Variants in KLHL24 observed in about 807,000 individuals in gnomAD.
The protein encoded by KLHL24 is kelch like family member 24.
Under a neutral mutation model 53.4 loss-of-function variants are expected in KLHL24, and 29 were observed. The ratio of observed to expected loss-of-function variants is 0.54; its 90% CI spans 0.40 to 0.74. The LOEUF (loss-of-function observed/expected upper bound fraction) is 0.74. Ranked by LOEUF, KLHL24 falls within the 30% of genes least tolerant of loss-of-function variation. KLHL24 has a pLI of 0.00. For synonymous variants in KLHL24, 222 were observed against 253.7 expected, an observed-to-expected ratio of 0.88 and a Z score of 1.19; for missense variants, 504 against 744.0, an observed-to-expected ratio of 0.68 and a Z score of 3.75.
In KLHL24 at chr3:183,653,155, G is replaced by A. The variant is rs543976538; in HGVS notation, c.920+1879G>A. 1.1e-4 allele frequency among the ~76,000 whole-genome samples: 16 copies of A among 152,196 alleles called. No individual in the cohort carries two copies. The South Asian group carries it at 2.3e-3, about 22-fold the overall frequency. On this transcript the variant is annotated intron_variant, in intron 3 of 7. Transcript: ENST00000242810. ...TCTATTTATAAATTGCAGTATCACC[G>A]TTCTTTAAGAGACAAGTATAAAAAC...
Position 183,682,930 on chromosome 3 carries a change from T to TTTC in KLHL24, c.*3646_*3647insCTT, listed in dbSNP as rs35483288. 47,926 of 147,372 alleles carry TTTC rather than the reference T, an allele frequency of 0.33. 8,908 individuals carry two copies. The highest frequency in any genetic ancestry group is 0.48 in the African/African-American group (18,983 of 39,420). The allele number at this position is 147,372 out of a possible 1,614,324, so 9.1% of individuals were successfully genotyped here. On this transcript the variant is annotated 3_prime_UTR_variant, in exon 8 of 8. Coordinates refer to ENST00000242810, the MANE Select transcript of KLHL24 (RefSeq NM_017644.3). ...AGACGACATCTACTTCAAACTGTAT[T>TTTC]TTTTTCGTTTTTTTTTTTTTTTGGG...
intron 2 of KLHL24, among the ~76,000 whole-genome samples, chr3:183,649,643 T>G (rs1717848834): frequency 6.6e-6 from 1 of 151,962 alleles, no homozygotes; most frequent in Non-Finnish European, 1.5e-5. Flanking sequence ...TCACCAGGCA[T>G]GGTGGCTCAT....
rs1175220569 is a variant in KLHL24, at chr3:183,650,713, T to C, written c.357T>C (p.Cys119=). The C allele has an allele frequency of 3.1e-6, 5 of 1,613,738 alleles. No individual in the cohort carries two copies. The highest frequency in any genetic ancestry group is 4.2e-6 in the Non-Finnish European group (5 of 1,179,928). ...GTATTTTAGCTGAAGCTATGGAATGTTTTTTGCAGTATGTTTATACTGGAA... is the reference window on the plus strand; with the variant it reads ...GTATTTTAGCTGAAGCTATGGAATGCTTTTTGCAGTATGTTTATACTGGAA... The part of the protein sequence containing the change: ...INGILAEAME[C]FLQYVYTGKV... The change falls in exon 3 of 8, where the codon TGT becomes TGC. Residue 119 remains cysteine (C), a synonymous_variant. Transcript: ENST00000242810. The surrounding 1 kb of genome is among the most constrained non-coding windows in gnomAD (Gnocchi z 4.5).
At position 183,663,539 on chromosome 3, in the gene KLHL24, C is replaced by G. The variant is rs1464275604; in HGVS notation, c.1002C>G (p.Cys334Trp). 6.2e-7 allele frequency: 1 copy of G among 1,609,110 alleles called. No individual in the cohort carries two copies. Among genetic ancestry groups the G allele is most frequent in the Admixed American group, 1.7e-5 (1 of 59,742 alleles). Residue 334 changes from cysteine (C) to tryptophan (W), a missense_variant, in exon 4 of 8, where the codon TGC (cysteine) becomes TGG (tryptophan). Cys to Trp is a radical substitution (Grantham distance 215, BLOSUM62 -2). Coordinates refer to ENST00000242810, the MANE Select transcript of KLHL24 (RefSeq NM_017644.3). This position sits in a 1 kb window ranked among gnomAD's most constrained non-coding sequence, Gnocchi z 4.9. ...GATTTAATCTTCCATACACTGAGTG[C>G]TACGATCCTGTAACAGGAGAATGGA... ...VGGFNLPYTE[C>W]YDPVTGEWKS...
In KLHL24 at chr3:183,654,539, A is replaced by C. The variant is rs988739016; in HGVS notation, c.920+3263A>C. ...ATATATGTTTTTTAGTTGACTGTGC[A>C]TCTTTTTAAAATAACAGGCAAAATA... is the stretch of plus-strand genomic sequence containing the variant. On this transcript the variant is annotated intron_variant, in intron 3 of 7. Transcript: ENST00000242810. 1.1e-4 allele frequency among the ~76,000 whole-genome samples: 16 copies of C among 151,504 alleles called. No individual in the cohort carries two copies. In the East Asian group the frequency reaches 2.9e-3, roughly 27 times the overall value.
intron 5 of KLHL24, among the ~76,000 whole-genome samples, chr3:183,667,009 A>G (rs1342663629): frequency 2.6e-5 from 4 of 152,296 alleles, no homozygotes; most frequent in South Asian, 4.1e-4. Context: ...GAGACAGTTA[A>G]GTACCACCAA....
Position 183,663,415 on chromosome 3 carries a change from ATAT to A in KLHL24, c.921-36_921-34del, listed in dbSNP as rs751069751. Reference sequence around the variant, plus strand: ...AAAATCTGGAGTATATTTTAATGTAATATTATTATATTATTTATGTACGCTAAT... The same window carrying A: ...AAAATCTGGAGTATATTTTAATGTAATATTATATTATTTATGTACGCTAAT... On this transcript the variant is annotated intron_variant, in intron 3 of 7. Coordinates refer to ENST00000242810, the MANE Select transcript of KLHL24 (RefSeq NM_017644.3). The surrounding 1 kb of genome is among the most constrained non-coding windows in gnomAD (Gnocchi z 4.9). The A allele has an allele frequency of 6.9e-6, 7 of 1,011,262 alleles. No individual in the cohort carries two copies. Among genetic ancestry groups the A allele is most frequent in the Admixed American group, 2.8e-5 (1 of 36,020 alleles). The allele number at this position is 1,011,262 out of a possible 1,614,324, so 62.6% of individuals were successfully genotyped here. A position where few individuals can be genotyped will look rare whatever the true frequency, so the allele number is the denominator to read the frequency against.
intron 1 of KLHL24, among the ~76,000 whole-genome samples, chr3:183,637,905 C>G (rs1469749332): frequency 3.3e-5 from 5 of 152,180 alleles, no homozygotes; most frequent in Admixed American, 3.3e-4. Flanking sequence ...GTGATCCGCC[C>G]GCCTCAGCCT....
At chr3:183,676,473 G>A (rs1423139216) in intron 7 of KLHL24, among the ~76,000 whole-genome samples, 2 of 152,174 alleles carry the variant, frequency 1.3e-5, no homozygotes, top group East Asian at 1.9e-4. Context: ...GATGAAAAAG[G>A]ATAAATCAAA....
chr3:183,672,291 A>G lies in KLHL24; in HGVS notation c.1414-5A>G. The G allele has an allele frequency of 6.6e-7, 1 of 1,513,868 alleles. No homozygotes were observed. The highest frequency in any genetic ancestry group is 8.9e-7 in the Non-Finnish European group (1 of 1,120,818). The allele number at this position is 1,513,868 out of a possible 1,614,324, so 93.8% of individuals were successfully genotyped here. A position where few individuals can be genotyped will look rare whatever the true frequency, so the allele number is the denominator to read the frequency against. ...TTTTAATTATATATTTTTATATGTT[A>G]TTAGGTTCAATCTTATGATCCAGAA... On this transcript the variant is annotated splice_region_variant and splice_polypyrimidine_tract_variant and intron_variant, in intron 6 of 7. Transcript: ENST00000242810.
At chr3:183,637,685 A>T (rs1715553738) in intron 1 of KLHL24, among the ~76,000 whole-genome samples, 3 of 152,200 alleles carry the variant, frequency 2.0e-5, no homozygotes, top group Admixed American at 2.0e-4. Flanking sequence ...TCTGTCACCC[A>T]GGCTGGAGTG....
intron 1 of KLHL24, among the ~76,000 whole-genome samples, chr3:183,640,998 C>T (rs954822443): frequency 6.6e-6 from 1 of 152,018 alleles, no homozygotes; most frequent in South Asian, 2.1e-4. Flanking sequence ...TTAAACATTA[C>T]ATTTGTAAAA....
At position 183,650,380 on chromosome 3, in the gene KLHL24, A is replaced by G; in HGVS notation, c.24A>G (p.Arg8=). The change falls in exon 3 of 8, where the codon AGA becomes AGG. Residue 8 remains arginine (R), a synonymous_variant. Transcript: ENST00000242810. The surrounding 1 kb of genome is among the most constrained non-coding windows in gnomAD (Gnocchi z 4.5). The part of the protein sequence containing the change: MVLILGR[R]LNREDLGVRD... The stretch of plus-strand genomic sequence containing the variant: ...CAATGGTACTAATATTGGGACGCAG[A>G]CTAAACAGAGAGGATCTTGGGGTGC... The G allele has an allele frequency of 6.2e-7, 1 of 1,613,904 alleles. No individual in the cohort carries two copies.
Position 183,663,262 on chromosome 3 carries a change from G to A in KLHL24, c.921-196G>A, listed in dbSNP as rs548336636. Among the ~76,000 whole-genome samples the A allele has an allele frequency of 1.4e-4, 22 of 152,208 alleles. No homozygotes were observed. The highest frequency in any genetic ancestry group is 5.9e-4 in the Admixed American group (9 of 15,274). On this transcript the variant is annotated intron_variant, in intron 3 of 7. Coordinates refer to ENST00000242810, the MANE Select transcript of KLHL24 (RefSeq NM_017644.3). This position sits in a 1 kb window ranked among gnomAD's most constrained non-coding sequence, Gnocchi z 4.9. ...CAACAGAAATTTTCTGTGGAATAAT[G>A]ATGTCACTAGCTCCCCTATAAACGT...
In KLHL24 at chr3:183,679,796, G is replaced by A. The variant is rs1307313328; in HGVS notation, c.*510G>A. 1 of 152,496 alleles carries A rather than the reference G, an allele frequency of 6.6e-6. No homozygotes were observed. Among genetic ancestry groups the A allele is most frequent in the African/African-American group, 2.4e-5 (1 of 41,412 alleles). The allele number at this position is 152,496 out of a possible 1,614,324, so 9.4% of individuals were successfully genotyped here. On this transcript the variant is annotated 3_prime_UTR_variant, in exon 8 of 8. Coordinates refer to ENST00000242810, the MANE Select transcript of KLHL24 (RefSeq NM_017644.3). Reference sequence around the variant, plus strand: ...TATATCCAGATTGGTTAATTTTATTGAAGGGTTTTTTTCTGTAATTGATAA... The same window carrying A: ...TATATCCAGATTGGTTAATTTTATTAAAGGGTTTTTTTCTGTAATTGATAA...
At chr3:183,677,866 C>T (rs1165487935) in intron 7 of KLHL24, among the ~76,000 whole-genome samples, 2 of 152,008 alleles carry the variant, frequency 1.3e-5, no homozygotes, top group African/African-American at 4.8e-5. Flanking sequence ...ACCTCAGCTC[C>T]CTGCAACCTC....
intron 7 of KLHL24, 146 bp downstream of exon 7, chr3:183,672,630 C>A: frequency 2.1e-6 from 1 of 477,846 alleles, no homozygotes; most frequent in Non-Finnish European, 3.5e-6. Context: ...TTTGGGAGGC[C>A]GAGGTGGATA....
chr3:183,657,188 C>T (rs1180803301), intron 3 of KLHL24, among the ~76,000 whole-genome samples: 1 of 152,068 alleles, frequency 6.6e-6, no homozygotes, highest in Non-Finnish European at 1.5e-5. Flanking sequence ...TTTTGGTAGG[C>T]CTGGGCTGCC....
At chr3:183,662,549 C>G (rs1719956592) in intron 3 of KLHL24, among the ~76,000 whole-genome samples, 1 of 152,080 alleles carries the variant, frequency 6.6e-6, no homozygotes, top group South Asian at 2.1e-4. Flanking sequence ...AATTCCTAAA[C>G]TATCAATTGA....
Sources: allele counts gnomAD v4.1 joint callset (sites outside exome capture counted in the v4.1 genomes callset), GRCh38; gene constraint gnomAD v4.1.1; non-coding constraint Gnocchi (gnomAD v3.1); transcripts MANE v1.5; gene names NCBI Gene and HGNC (gene_info 2026-07-23, HGNC 2026-07-21).